The following GRM8 variants were observed in gnomAD, a reference collection of about 807,000 sequenced individuals.
GRM8 encodes glutamate metabotropic receptor 8.
Under a neutral mutation model 87.2 loss-of-function variants are expected in GRM8, and 47 were observed. The observed-to-expected ratio is 0.54, with a 90% CI of 0.43 to 0.69. The LOEUF is 0.69. Among genes scored for constraint, GRM8 ranks in the 30% least tolerant of loss-of-function variants. The probability of loss-of-function intolerance (pLI) is 0.00; values close to 1 mark genes in which losing one functional copy is unlikely to be tolerated. For missense variants in GRM8, 1,019 were observed against 1,139.2 expected (o/e 0.89, Z 1.52); for synonymous variants, 396 against 404.5 (o/e 0.98, Z 0.25).
In GRM8 at chr7:126,903,842, T is replaced by A. The variant is rs1802415381; in HGVS notation, c.1018+130A>T. ...GTTTAAATACTGGTCTTGACAATTC[T>A]GCCACCAAAGCTAAAATTTGTATCA... On this transcript the variant is annotated intron_variant, in intron 5 of 10. Coordinates refer to ENST00000339582, the MANE Select transcript of GRM8 (RefSeq NM_000845.3). 1.1e-5 allele frequency: 5 copies of A among 459,606 alleles called. No homozygotes were observed. In the South Asian group the frequency reaches 2.8e-4, roughly 26 times the overall value. 28.5% of individuals were successfully genotyped at this position (459,606 alleles called of 1,614,324 possible). A position where few individuals can be genotyped will look rare whatever the true frequency, so the allele number is the denominator to read the frequency against.
At chr7:127,142,913 T>G (rs192995338) in intron 2 of GRM8, among the ~76,000 whole-genome samples, 1 of 152,226 alleles carries the variant, frequency 6.6e-6, no homozygotes, top group Admixed American at 6.5e-5. Context: ...AAGTCATGAT[T>G]TAAAAAAAAT....
intron 3 of GRM8, among the ~76,000 whole-genome samples, chr7:127,032,656 T>G (rs1392208742): frequency 6.6e-6 from 1 of 152,056 alleles, no homozygotes; most frequent in Non-Finnish European, 1.5e-5. Flanking sequence ...TAACTATGCA[T>G]GAACAGGGGA....
intron 9 of GRM8, among the ~76,000 whole-genome samples, chr7:126,484,929 CAAG>C (rs762638682): frequency 1.2e-4 from 18 of 149,858 alleles, no homozygotes; most frequent in East Asian, 7.9e-4. Flanking sequence ...TGCATGTAAA[CAAG>C]GAGGAAAAAG....
At chr7:126,614,990 C>T (rs1366872215) in intron 7 of GRM8, among the ~76,000 whole-genome samples, 1 of 152,122 alleles carries the variant, frequency 6.6e-6, no homozygotes, top group Admixed American at 6.6e-5. Context: ...CCTAGCAAGG[C>T]AGGACAACAT....
chr7:127,133,706 C>CAA (rs137900224), intron 2 of GRM8, among the ~76,000 whole-genome samples: 71 of 98,736 alleles, frequency 7.2e-4, no homozygotes, highest in East Asian at 3.7e-3. Flanking sequence ...ACTCCCTCTC[C>CAA]AAAAAAAAAA....
At chr7:127,168,631 G>A (rs997210392) in intron 2 of GRM8, among the ~76,000 whole-genome samples, 47 of 152,232 alleles carry the variant, frequency 3.1e-4, no homozygotes, top group African/African-American at 1.0e-3. Context: ...ATGATAGACT[G>A]GATAAAGAAA....
chr7:126,577,994 A>C (rs1236665879), intron 8 of GRM8, among the ~76,000 whole-genome samples: 3 of 151,930 alleles, frequency 2.0e-5, no homozygotes, highest in Non-Finnish European at 4.4e-5. Context: ...TTATGTTTTT[A>C]GTGTAAATCA....
intron 8 of GRM8, among the ~76,000 whole-genome samples, chr7:126,602,420 T>G (rs1246447554): frequency 9.3e-6 from 1 of 107,678 alleles, no homozygotes; most frequent in African/African-American, 2.9e-5. Flanking sequence ...ATGCGGGCTC[T>G]TTTTCGGTTC....
chr7:126,928,872 GAA>G (rs879848928), intron 3 of GRM8, among the ~76,000 whole-genome samples: 2 of 150,768 alleles, frequency 1.3e-5, no homozygotes, highest in Non-Finnish European at 3.0e-5. Flanking sequence ...CACTTTTAGG[GAA>G]AAAAAAATAC....
intron 7 of GRM8, among the ~76,000 whole-genome samples, chr7:126,634,514 T>C (rs1379145465): frequency 6.6e-6 from 1 of 152,154 alleles, no homozygotes. Flanking sequence ...ATCTCAATGT[T>C]ATCTTAAACC....
intron 9 of GRM8, among the ~76,000 whole-genome samples, chr7:126,510,962 C>T (rs1231305789): frequency 6.6e-6 from 1 of 152,142 alleles, no homozygotes; most frequent in Non-Finnish European, 1.5e-5. Flanking sequence ...ATTAGCGCCA[C>T]ATCCTCCAAA....
chr7:126,702,616 C>T (rs540618976), intron 7 of GRM8, among the ~76,000 whole-genome samples: 9 of 152,260 alleles, frequency 5.9e-5, no homozygotes, highest in African/African-American at 2.2e-4. Flanking sequence ...TGATCCCCTA[C>T]TCATGGTTAT....
At chr7:126,793,157 ATG>A (rs1420397073) in intron 6 of GRM8, among the ~76,000 whole-genome samples, 1 of 152,104 alleles carries the variant, frequency 6.6e-6, no homozygotes, top group Non-Finnish European at 1.5e-5. Flanking sequence ...TTACTTCATT[ATG>A]TGTCTTCTTT....
At chr7:126,783,392 G>C (rs1249739676) in intron 6 of GRM8, among the ~76,000 whole-genome samples, 1 of 152,164 alleles carries the variant, frequency 6.6e-6, no homozygotes, top group Non-Finnish European at 1.5e-5. Flanking sequence ...ATTCTGTGAA[G>C]AGCCACTCTA....
chr7:126,995,281 C>A (rs890883067), intron 3 of GRM8, among the ~76,000 whole-genome samples: 1 of 152,298 alleles, frequency 6.6e-6, no homozygotes, highest in East Asian at 1.9e-4. Flanking sequence ...AAATACCCAA[C>A]TCTTTAATGC....
chr7:127,063,305 A>G (rs920348056), intron 3 of GRM8, among the ~76,000 whole-genome samples: 7 of 151,570 alleles, frequency 4.6e-5, no homozygotes, highest in African/African-American at 1.7e-4. Flanking sequence ...GCCAGGTGCC[A>G]TGGCTCATGC....
intron 8 of GRM8, among the ~76,000 whole-genome samples, chr7:126,579,262 T>A (rs1795388524): frequency 6.6e-6 from 1 of 152,232 alleles, no homozygotes; most frequent in African/African-American, 2.4e-5. Context: ...TTGTTTTCTG[T>A]TCTTTTCATG....
intron 2 of GRM8, among the ~76,000 whole-genome samples, chr7:127,151,903 G>C (rs368347624): frequency 2.6e-5 from 4 of 152,098 alleles, no homozygotes; most frequent in South Asian, 4.2e-4. Context: ...TTTCTCTTTT[G>C]CATTCCAAAG....
At chr7:126,887,793 G>A (rs1402870084) in intron 6 of GRM8, among the ~76,000 whole-genome samples, 1 of 152,110 alleles carries the variant, frequency 6.6e-6, no homozygotes, top group Non-Finnish European at 1.5e-5. Flanking sequence ...ACACACTCAA[G>A]CGGGGCTTTG....
Sources: allele counts gnomAD v4.1 joint callset (sites outside exome capture counted in the v4.1 genomes callset), GRCh38; gene constraint gnomAD v4.1.1; transcripts MANE v1.5; gene names NCBI Gene and HGNC (gene_info 2026-07-23, HGNC 2026-07-21).